Variants in MMS22L observed in about 807,000 individuals in gnomAD.
The protein encoded by MMS22L is MMS22 like, DNA repair protein.
Under a neutral mutation model 159.1 loss-of-function variants are expected in MMS22L, and 74 were observed. The observed-to-expected ratio is 0.47, with a 90% CI of 0.39 to 0.56. The LOEUF (loss-of-function observed/expected upper bound fraction) is 0.56. Among genes scored for constraint, MMS22L ranks in the 20% least tolerant of loss-of-function variants. MMS22L has a pLI of 0.00. For synonymous variants in MMS22L, 517 were observed against 506.9 expected, an observed-to-expected ratio of 1.02 and a Z score of -0.27; for missense variants, 1,351 against 1,422.1, an observed-to-expected ratio of 0.95 and a Z score of 0.80.
chr6:97,208,956 TTCC>T (rs1365774198), intron 14 of MMS22L, among the ~76,000 whole-genome samples: 1 of 151,892 alleles, frequency 6.6e-6, no homozygotes, highest in African/African-American at 2.4e-5. Context: ...TAGCATTTTT[TTCC>T]TCACTTCTCT....
At chr6:97,202,461 G>A (rs1303143244) in intron 14 of MMS22L, among the ~76,000 whole-genome samples, 1 of 152,192 alleles carries the variant, frequency 6.6e-6, no homozygotes, top group Non-Finnish European at 1.5e-5. Flanking sequence ...CATTATGGGA[G>A]GGATCCTATG....
At chr6:97,269,828 A>C (rs147660428) in intron 7 of MMS22L, 74 bp downstream of exon 7, 7 of 1,076,942 alleles carry the variant, frequency 6.5e-6, no homozygotes, top group Non-Finnish European at 9.5e-6. Flanking sequence ...GAAAGCACTT[A>C]TTACTTATGT....
At chr6:97,269,016 G>C (rs968389107) in intron 7 of MMS22L, among the ~76,000 whole-genome samples, 1 of 151,720 alleles carries the variant, frequency 6.6e-6, no homozygotes, top group East Asian at 1.9e-4. Context: ...AAATGCCAAA[G>C]AGCAACATCA....
At chr6:97,225,627 C>G (rs1810159309) in intron 14 of MMS22L, among the ~76,000 whole-genome samples, 1 of 150,932 alleles carries the variant, frequency 6.6e-6, no homozygotes, top group African/African-American at 2.5e-5. Flanking sequence ...GGCTGGAGTG[C>G]AGTGGCACGA....
chr6:97,183,275 C>T (rs1349785253), intron 15 of MMS22L, among the ~76,000 whole-genome samples: 1 of 152,122 alleles, frequency 6.6e-6, no homozygotes, highest in African/African-American at 2.4e-5. Flanking sequence ...CTTTTTAGGA[C>T]ACTTGATTGC....
At chr6:97,189,642 T>A (rs1805664028) in intron 14 of MMS22L, among the ~76,000 whole-genome samples, 1 of 134,358 alleles carries the variant, frequency 7.4e-6, no homozygotes, top group African/African-American at 2.7e-5. Flanking sequence ...ATAGATTACA[T>A]CCTCCAAGGT....
Position 97,162,105 on chromosome 6 carries a change from G to A in MMS22L, c.3282C>T (p.Ala1094=). Residue 1094 remains alanine (A), a synonymous_variant, in exon 22 of 25, where the codon GCC becomes GCT. Coordinates refer to ENST00000683635, the MANE Select transcript of MMS22L (RefSeq NM_001350599.2). ...TTTCCTTGAAGAGTTGGAGGATGAA[G>A]GCCAGAATGGATGCTAAGCGAGGAG... ...SPPPRLASIL[A]FILQLFKETN... 1.2e-6 allele frequency: 2 copies of A among 1,611,822 alleles called. No homozygotes were observed. Among genetic ancestry groups the A allele is most frequent in the Non-Finnish European group, 1.7e-6 (2 of 1,178,920 alleles).
Position 97,182,700 on chromosome 6 carries a change from GCTGT to G in MMS22L, c.2234-650_2234-647del, listed in dbSNP as rs548868841. Among the ~76,000 whole-genome samples the G allele has an allele frequency of 2.0e-4, 30 of 152,220 alleles. 1 individual carries two copies. Among genetic ancestry groups the G allele is most frequent in the South Asian group, 4.2e-4 (2 of 4,818 alleles). ...CTATGCAGCTTTCTGAAACGGGGTGGCTGTCTATTTTCCCACTCCCCGTATACCA... is the reference window on the plus strand; with the variant it reads ...CTATGCAGCTTTCTGAAACGGGGTGGCTATTTTCCCACTCCCCGTATACCA... On this transcript the variant is annotated intron_variant, in intron 15 of 24. Coordinates refer to ENST00000683635, the MANE Select transcript of MMS22L (RefSeq NM_001350599.2).
intron 13 of MMS22L, 166 bp downstream of exon 13, chr6:97,231,260 T>C: frequency 1.7e-6 from 1 of 594,446 alleles, no homozygotes; most frequent in Non-Finnish European, 2.9e-6. Flanking sequence ...ACGTACAACT[T>C]GAAGATGTTT....
chr6:97,165,468 A>G lies in MMS22L; in HGVS notation c.3010-11T>C. ...CACGATACACATGCCCTACAAGGAA[A>G]AAAAGTAAGAAATACTAAGAGGTAA... On this transcript the variant is annotated splice_polypyrimidine_tract_variant and intron_variant, in intron 20 of 24. Coordinates refer to ENST00000683635, the MANE Select transcript of MMS22L (RefSeq NM_001350599.2). 6.2e-7 allele frequency: 1 copy of G among 1,605,890 alleles called. No individual in the cohort carries two copies. The highest frequency in any genetic ancestry group is 8.5e-7 in the Non-Finnish European group (1 of 1,175,378).
At position 97,229,130 on chromosome 6, in the gene MMS22L, C is replaced by G. The variant is rs746078206; in HGVS notation, c.1803G>C (p.Glu601Asp). 20 of 1,614,116 alleles carry G rather than the reference C, an allele frequency of 1.2e-5. No homozygotes were observed. The highest frequency in any genetic ancestry group is 1.7e-5 in the Non-Finnish European group (20 of 1,180,014). ...LAEKFSCAFR[E>D]KAKEFLVSKN... ...TAGACACCAAGAATTCCTTTGCTTT[C>G]TCCCGGAAAGCACATGAAAATTTCT... The change falls in exon 14 of 25, where the codon GAG (glutamate) becomes GAC (aspartate). Residue 601 changes from glutamate (E) to aspartate (D), a missense_variant. By Grantham distance (45) the Glu-to-Asp change is conservative (BLOSUM62 2). Coordinates refer to ENST00000683635, the MANE Select transcript of MMS22L (RefSeq NM_001350599.2).
intron 11 of MMS22L, chr6:97,246,164 A>G (rs1812618991): frequency 2.2e-6 from 1 of 454,080 alleles, no homozygotes; most frequent in Admixed American, 2.4e-5. Flanking sequence ...GCTCTGCAGA[A>G]AGAAAAATGA....
intron 9 of MMS22L, chr6:97,259,436 TCAATTAGTGGCCTGAATA>T (rs1050712850): frequency 2.6e-5 from 4 of 152,144 alleles, no homozygotes; most frequent in African/African-American, 4.8e-5. Flanking sequence ...TGCCATCCAA[TCAATTAGTGGCCTGAATA>T]CAACAAAAAG....
intron 13 of MMS22L, 36 bp downstream of exon 13, chr6:97,231,390 T>A (rs1196159789): frequency 7.0e-7 from 1 of 1,426,114 alleles, no homozygotes; most frequent in Non-Finnish European, 9.9e-7. Context: ...TCCAAAGATA[T>A]CAGTGCACAC....
At chr6:97,228,176 T>C (rs1409875062) in intron 14 of MMS22L, among the ~76,000 whole-genome samples, 4 of 152,220 alleles carry the variant, frequency 2.6e-5, no homozygotes, top group Non-Finnish European at 5.9e-5. Context: ...CATGAGCTCA[T>C]GATCTTGCTC....
intron 9 of MMS22L, among the ~76,000 whole-genome samples, chr6:97,256,667 T>C (rs969277718): frequency 1.3e-5 from 2 of 152,230 alleles, no homozygotes; most frequent in African/African-American, 4.8e-5. Flanking sequence ...TGGTACTATA[T>C]TGGCCAGCTG....
chr6:97,274,132 G>A (rs1002015639), intron 4 of MMS22L, among the ~76,000 whole-genome samples: 2 of 152,112 alleles, frequency 1.3e-5, no homozygotes, highest in Non-Finnish European at 2.9e-5. Context: ...TATAGAGAAT[G>A]AGTAAGAGAC....
rs910905769 is a variant in MMS22L at position 97,214,921 on chromosome 6, C to A, written c.2039+13973G>T. Among the ~76,000 whole-genome samples the A allele has an allele frequency of 4.6e-5, 7 of 150,752 alleles. No homozygotes were observed. In the South Asian group the frequency reaches 1.5e-3, roughly 31 times the overall value. On this transcript the variant is annotated intron_variant, in intron 14 of 24. Transcript: ENST00000683635. Reference sequence around the variant, plus strand: ...TGAAAAAAATACGTAATTAAGAGATCAACCAACCCAGTTGAGGCCCCCTGA... The same window carrying A: ...TGAAAAAAATACGTAATTAAGAGATAAACCAACCCAGTTGAGGCCCCCTGA...
intron 14 of MMS22L, among the ~76,000 whole-genome samples, chr6:97,200,528 G>T (rs1390904087): frequency 6.6e-6 from 1 of 152,042 alleles, no homozygotes; most frequent in African/African-American, 2.4e-5. Flanking sequence ...CTTAGGGCTT[G>T]ATACATGCTA....
Sources: allele counts gnomAD v4.1 joint callset (sites outside exome capture counted in the v4.1 genomes callset), GRCh38; gene constraint gnomAD v4.1.1; transcripts MANE v1.5; gene names NCBI Gene and HGNC (gene_info 2026-07-23, HGNC 2026-07-21).